Variants in TNRC18 observed in about 807,000 individuals in gnomAD.
TNRC18 encodes trinucleotide repeat-containing gene 18 protein.
Under a neutral mutation model 226.7 loss-of-function variants are expected in TNRC18, and 69 were observed. That is an observed-to-expected ratio of 0.30 (90% CI 0.25 to 0.37). The LOEUF (loss-of-function observed/expected upper bound fraction) is 0.37, where lower values mean the gene tolerates loss of function less well. TNRC18 is among the 10% of genes least tolerant of loss of function. The pLI is 1.00. For synonymous variants in TNRC18, 2,449 were observed against 1,927.6 expected, an observed-to-expected ratio of 1.27 and a Z score of -7.09; for missense variants, 4,754 against 4,256.6, an observed-to-expected ratio of 1.12 and a Z score of -3.25.
At chr7:5,346,857 G>A (rs1043557776) in intron 17 of TNRC18, among the ~76,000 whole-genome samples, 3 of 152,180 alleles carry the variant, frequency 2.0e-5, no homozygotes, top group Non-Finnish European at 2.9e-5. Context: ...AAAGACAATC[G>A]AACAGAAACA....
Position 5,370,840 on chromosome 7 carries a change from C to T in TNRC18, c.3754G>A (p.Glu1252Lys), listed in dbSNP as rs756617777. The T allele has an allele frequency of 2.9e-5, 46 of 1,609,018 alleles. No homozygotes were observed. The highest frequency in any genetic ancestry group is 1.6e-4 in the Middle Eastern group (1 of 6,078). Residue 1252 changes from glutamate to lysine, a missense_variant, in exon 11 of 30, where the codon GAG (glutamate) becomes AAG (lysine). Physicochemically the swap from Glu to Lys is moderately conservative, Grantham distance 56. Transcript: ENST00000430969. ...ALDLGVQLTP[E>K]TLVEAKEEPV... The stretch of plus-strand genomic sequence containing the variant: ...TCCTCCTTGGCCTCCACCAGTGTCT[C>T]GGGTGTCAGCTGCACCCCCAGGTCC...
intron 2 of TNRC18, among the ~76,000 whole-genome samples, chr7:5,418,721 G>A (rs1010103349): frequency 2.6e-5 from 4 of 152,244 alleles, no homozygotes; most frequent in Admixed American, 1.3e-4. Flanking sequence ...AAGAGAGGGA[G>A]GTGCGTCAGA....
chr7:5,371,226 C>T lies in TNRC18; in HGVS notation c.3368G>A (p.Arg1123His), dbSNP rs749647358. The T allele has an allele frequency of 6.9e-6, 11 of 1,605,246 alleles. No homozygotes were observed. In the East Asian group the frequency reaches 1.1e-4, roughly 16 times the overall value. ...DVPLPADGPE[R>H]LALSPEDKPI... ...CTTGTCTTCGGGTGAGAGTGCCAGG[C>T]GCTCGGGCCCATCAGCCGGGAGCGG... is the stretch of plus-strand genomic sequence containing the variant. The change falls in exon 11 of 30, where the codon CGC becomes CAC. Residue 1123 changes from arginine (R) to histidine (H), a missense_variant. Arg to His is a conservative substitution (Grantham distance 29). Transcript: ENST00000430969.
intron 16 of TNRC18, among the ~76,000 whole-genome samples, chr7:5,353,377 T>A (rs1237098747): frequency 6.6e-6 from 1 of 151,960 alleles, no homozygotes; most frequent in African/African-American, 2.4e-5. Flanking sequence ...TCTGTATTTT[T>A]AAAAAATACA....
rs879153088 is a variant in TNRC18 at position 5,315,860 on chromosome 7, A to G, written c.6862+96T>C. The G allele has an allele frequency of 4.4e-6, 4 of 901,982 alleles. No homozygotes were observed. The South Asian group carries it at 6.0e-5, about 14-fold the overall frequency. The allele number at this position is 901,982 out of a possible 1,614,324, so 55.9% of individuals were successfully genotyped here. On this transcript the variant is annotated intron_variant, in intron 25 of 29. Coordinates refer to ENST00000430969, the MANE Select transcript of TNRC18 (RefSeq NM_001080495.3). Reference sequence around the variant, plus strand: ...CTGCTTCCATCACCTGTGGCTCCAAATGACTTCAGACAGAGCTCAGAGCCG... The same window carrying G: ...CTGCTTCCATCACCTGTGGCTCCAAGTGACTTCAGACAGAGCTCAGAGCCG...
chr7:5,362,139 G>C, intron 12 of TNRC18, 106 bp from the exon 13 acceptor site: 1 of 1,395,216 alleles, frequency 7.2e-7, no homozygotes, highest in Non-Finnish European at 9.8e-7. Context: ...TGCACTGGGA[G>C]CTGGGGCTCG....
Position 5,374,019 on chromosome 7 carries a change from CAG to C in TNRC18, c.3229+34_3229+35del. The C allele has an allele frequency of 2.7e-6, 4 of 1,467,506 alleles. 1 individual carries two copies. In the South Asian group the frequency reaches 4.2e-5, roughly 15 times the overall value. The allele number at this position is 1,467,506 out of a possible 1,614,324, so 90.9% of individuals were successfully genotyped here. On this transcript the variant is annotated intron_variant, in intron 10 of 29. Transcript: ENST00000430969. ...ATGAGCAGTTTTACCGCTCCAGGGG[CAG>C]AGTGAGACCCTGAGGGTCTCAGCTG...
At chr7:5,361,113 C>T (rs1792993817) in intron 14 of TNRC18, among the ~76,000 whole-genome samples, 1 of 152,222 alleles carries the variant, frequency 6.6e-6, no homozygotes, top group Admixed American at 6.5e-5. Context: ...CCCCACAAGG[C>T]TGCGACCGCC....
chr7:5,321,898 C>T (rs1031238958), intron 21 of TNRC18, among the ~76,000 whole-genome samples: 46 of 152,064 alleles, frequency 3.0e-4, no homozygotes, highest in African/African-American at 1.1e-3. Context: ...TCCCGAGCCC[C>T]TGACCTCCGG....
chr7:5,353,887 C>T (rs1376341277), intron 16 of TNRC18, among the ~76,000 whole-genome samples: 4 of 152,156 alleles, frequency 2.6e-5, no homozygotes, highest in Non-Finnish European at 5.9e-5. Flanking sequence ...GACACAGGCA[C>T]GATGGAGTGA....
intron 2 of TNRC18, among the ~76,000 whole-genome samples, chr7:5,415,625 C>A (rs1431412421): frequency 6.6e-6 from 1 of 150,590 alleles, no homozygotes; most frequent in Non-Finnish European, 1.5e-5. Flanking sequence ...AGGTGATCAG[C>A]CTGCCTAGGC....
chr7:5,308,420 GAGAC>G (rs1346882557), intron 29 of TNRC18, 108 bp from the exon 30 acceptor site: 2 of 1,006,662 alleles, frequency 2.0e-6, no homozygotes, highest in Non-Finnish European at 3.0e-6. Context: ...CCCAGGGACT[GAGAC>G]AGAGACCAAG....
At position 5,313,770 on chromosome 7, in the gene TNRC18, T is replaced by A; in HGVS notation, c.7121A>T (p.Lys2374Met). The A allele has an allele frequency of 2.6e-6, 4 of 1,547,888 alleles. No individual in the cohort carries two copies. Among genetic ancestry groups the A allele is most frequent in the Non-Finnish European group, 3.5e-6 (4 of 1,147,776 alleles). The change falls in exon 27 of 30, where the codon AAG (lysine) becomes ATG (methionine). Residue 2374 changes from lysine to methionine, a missense_variant. Transcript: ENST00000430969. ...LEPSSTPGSK[K>M]SPPEPVDKRA... The stretch of plus-strand genomic sequence containing the variant: ...CTTGTCCACAGGCTCTGGGGGGCTC[T>A]TCTTGGAACCTGGGGTGCTGCTCGG...
Position 5,306,967 on chromosome 7 carries a change from C to T in TNRC18, c.*1139G>A, listed in dbSNP as rs1786579483. ...ATTGTCTGGTTGAGGCCTTGGTTTC[C>T]CTTGAAGGCTTGGGGCCTGGTTAAG... On this transcript the variant is annotated 3_prime_UTR_variant, in exon 30 of 30. Coordinates refer to ENST00000430969, the MANE Select transcript of TNRC18 (RefSeq NM_001080495.3). 6.6e-6 allele frequency: 1 copy of T among 151,536 alleles called. No individual in the cohort carries two copies. The highest frequency in any genetic ancestry group is 2.4e-5 in the African/African-American group (1 of 41,348). The allele number at this position is 151,536 out of a possible 1,614,324, so 9.4% of individuals were successfully genotyped here.
At chr7:5,390,207 G>C in intron 4 of TNRC18, 1 of 519,630 alleles carries the variant, frequency 1.9e-6, no homozygotes, top group Non-Finnish European at 3.4e-6. Flanking sequence ...CTACAGAAAA[G>C]TTAAAAAGTC....
Position 5,390,629 on chromosome 7 carries a change from C to G in TNRC18, c.344-1G>C. 1 of 1,548,986 alleles carries G rather than the reference C, an allele frequency of 6.5e-7. No homozygotes were observed. ...AGCCCACTGGGCAGGTGGGAGAAGC[C>G]TGTAACAGAAAAGAGAAAAGCTGGG... is the stretch of plus-strand genomic sequence containing the variant. On this transcript the variant is annotated splice_acceptor_variant, in intron 3 of 29. Transcript: ENST00000430969. LOFTEE classifies it high-confidence loss of function.
chr7:5,310,631 C>T (rs576815654), intron 27 of TNRC18, among the ~76,000 whole-genome samples: 23 of 152,320 alleles, frequency 1.5e-4, no homozygotes, highest in African/African-American at 5.3e-4. Context: ...ACCTCCCAAG[C>T]TTAAGTGATC....
intron 17 of TNRC18, among the ~76,000 whole-genome samples, chr7:5,346,303 G>C (rs1791191668): frequency 6.6e-6 from 1 of 152,182 alleles, no homozygotes; most frequent in African/African-American, 2.4e-5. Flanking sequence ...GAGTCCTGAG[G>C]GCTGGCGGCA....
rs751513027 is a variant in TNRC18 at position 5,348,148 on chromosome 7, A to AC, written c.5471-2339dup. ...GGAGGCTCCCTGCACACAAACCAAA[A>AC]CCCCCCACCAAAAAGAGAGACTGTC... On this transcript the variant is annotated intron_variant, in intron 17 of 29. Transcript: ENST00000430969. Among the ~76,000 whole-genome samples, 28 of 151,306 alleles carry AC rather than the reference A, an allele frequency of 1.9e-4. 1 individual carries two copies. The highest frequency in any genetic ancestry group is 1.2e-3 in the East Asian group (6 of 5,146).
Sources: gnomAD v4.1 joint callset for allele counts (sites outside exome capture counted in the v4.1 genomes callset) on GRCh38, gnomAD v4.1.1 for gene constraint, MANE v1.5 for transcripts, NCBI Gene and HGNC (gene_info 2026-07-23, HGNC 2026-07-21) for gene names.